Variants in TLE1 observed in about 807,000 individuals in gnomAD.
TLE1 encodes transducin-like enhancer protein 1.
A neutral mutation model predicts 89.8 loss-of-function variants in TLE1; 21 were observed. That is an observed-to-expected ratio of 0.23 (90% CI 0.17 to 0.34). The LOEUF is 0.34. TLE1 is among the 10% of genes least tolerant of loss of function. The probability of loss-of-function intolerance (pLI) is 1.00; values close to 1 mark genes in which losing one functional copy is unlikely to be tolerated. For synonymous variants in TLE1, 447 were observed against 407.6 expected (o/e 1.10, Z -1.16); for missense variants, 795 against 1,031.2 (o/e 0.77, Z 3.14).
chr9:81,590,008 TGA>T (rs1470758303), intron 16 of TLE1, among the ~76,000 whole-genome samples: 1 of 152,188 alleles, frequency 6.6e-6, no homozygotes, highest in African/African-American at 2.4e-5. Context: ...CTGTGCAGCA[TGA>T]GAGGGGACTT....
intron 13 of TLE1, 97 bp from the exon 14 acceptor site, chr9:81,610,393 C>G (rs1448774742): frequency 1.1e-6 from 1 of 887,628 alleles, no homozygotes; most frequent in African/African-American, 1.7e-5. Flanking sequence ...ATCCCCAAAG[C>G]AACATAAATG....
chr9:81,669,775 G>C (rs1831977606), intron 4 of TLE1, among the ~76,000 whole-genome samples: 1 of 152,160 alleles, frequency 6.6e-6, no homozygotes, highest in Non-Finnish European at 1.5e-5. Flanking sequence ...TGGGAACCCA[G>C]AGTCTAATCA....
At chr9:81,661,188 T>TA (rs1564045523) in intron 4 of TLE1, among the ~76,000 whole-genome samples, 1 of 98,950 alleles carries the variant, frequency 1.0e-5, no homozygotes, top group African/African-American at 3.7e-5. Context: ...ATATGTATTT[T>TA]TATATATATA....
intron 1 of TLE1, 61 bp from the exon 2 acceptor site, chr9:81,687,495 AAGTC>A: frequency 1.5e-6 from 2 of 1,301,238 alleles, no homozygotes; most frequent in Non-Finnish European, 2.2e-6. Context: ...ATAAAGCAGT[AAGTC>A]AGAGAAGGCA....
At chr9:81,586,222 C>T (rs1828424894) in intron 17 of TLE1, among the ~76,000 whole-genome samples, 1 of 152,038 alleles carries the variant, frequency 6.6e-6, no homozygotes, top group African/African-American at 2.4e-5. Context: ...TTTCACCGTG[C>T]CAGCCAGGAT....
Position 81,689,454 on chromosome 9 carries a change from GCA to G in TLE1, c.-1216_-1215del, listed in dbSNP as rs1389360577. 3 of 153,872 alleles carry G rather than the reference GCA, an allele frequency of 1.9e-5. No homozygotes were observed. The East Asian group carries it at 5.8e-4, about 30-fold the overall frequency. 9.5% of individuals were successfully genotyped at this position (153,872 alleles called of 1,614,324 possible). ...CAGTCGGCTGCCTCCGGGACGCGGG[GCA>G]CAGAGTACCCGCCGCTGTTTCTGCT... On this transcript the variant is annotated 5_prime_UTR_variant, in exon 1 of 20. Coordinates refer to ENST00000376499, the MANE Select transcript of TLE1 (RefSeq NM_005077.5).
At chr9:81,600,941 A>AG (rs912112291) in intron 14 of TLE1, among the ~76,000 whole-genome samples, 4 of 152,204 alleles carry the variant, frequency 2.6e-5, no homozygotes, top group Non-Finnish European at 5.9e-5. Context: ...CTCAGGCCTC[A>AG]GCTTGGAGTA....
chr9:81,587,925 TGTGTGTGTG>T, intron 16 of TLE1, 97 bp from the exon 17 acceptor site: 2 of 1,101,964 alleles, frequency 1.8e-6, no homozygotes, highest in Non-Finnish European at 2.5e-6. Flanking sequence ...TGTGTGTGTG[TGTGTGTGTG>T]TGTGTGTGTG....
chr9:81,683,222 A>ATTTT (rs58069135), intron 4 of TLE1, among the ~76,000 whole-genome samples: 38 of 139,362 alleles, frequency 2.7e-4, no homozygotes, highest in East Asian at 8.4e-4. Flanking sequence ...CCATCACTGC[A>ATTTT]TTTTTTTTTT....
intron 4 of TLE1, among the ~76,000 whole-genome samples, chr9:81,678,763 C>G (rs992130500): frequency 8.6e-5 from 13 of 151,968 alleles, no homozygotes; most frequent in Non-Finnish European, 1.6e-4. Context: ...CCCGGCTACT[C>G]AGGGAGGTAG....
At chr9:81,660,581 T>A (rs921867866) in intron 4 of TLE1, among the ~76,000 whole-genome samples, 1 of 138,626 alleles carries the variant, frequency 7.2e-6, no homozygotes, top group African/African-American at 2.6e-5. Context: ...ACCCGGCTAA[T>A]TTTTTTTTGT....
chr9:81,637,743 G>A (rs946285285), intron 6 of TLE1, among the ~76,000 whole-genome samples: 1 of 151,310 alleles, frequency 6.6e-6, no homozygotes, highest in Admixed American at 6.6e-5. Flanking sequence ...GTGATTCTAG[G>A]AAATGTGGCC....
At chr9:81,677,633 C>T (rs916178762) in intron 4 of TLE1, among the ~76,000 whole-genome samples, 3 of 150,920 alleles carry the variant, frequency 2.0e-5, no homozygotes, top group African/African-American at 7.3e-5. Flanking sequence ...AGAGGTTGTA[C>T]GTATACCTAG....
intron 9 of TLE1, 58 bp from the exon 10 acceptor site, chr9:81,616,757 A>C: frequency 6.3e-7 from 1 of 1,597,438 alleles, no homozygotes; most frequent in Non-Finnish European, 8.6e-7. Context: ...TTTGAGGCAC[A>C]GTTAGATTTC....
chr9:81,674,705 G>A (rs939733551), intron 4 of TLE1, among the ~76,000 whole-genome samples: 1 of 152,196 alleles, frequency 6.6e-6, no homozygotes, highest in Non-Finnish European at 1.5e-5. Flanking sequence ...GGGGAGTCCA[G>A]CTTTTCTGCG....
chr9:81,632,039 G>C (rs149800733), intron 8 of TLE1, among the ~76,000 whole-genome samples: 3 of 152,008 alleles, frequency 2.0e-5, no homozygotes, highest in African/African-American at 7.3e-5. Flanking sequence ...GCAGTGAGCC[G>C]AGATAGTGCT....
Position 81,645,366 on chromosome 9 carries a change from C to CAA in TLE1, c.372+6846_372+6847dup, listed in dbSNP as rs59412201. The stretch of plus-strand genomic sequence containing the variant: ...GGCAACAAGAGAGAAACTCCGTCTC[C>CAA]AAAAAAAAAAAAATAATAGTAATAA... On this transcript the variant is annotated intron_variant, in intron 6 of 19. Coordinates refer to ENST00000376499, the MANE Select transcript of TLE1 (RefSeq NM_005077.5). Among the ~76,000 whole-genome samples, 60 of 141,530 alleles carry CAA rather than the reference C, an allele frequency of 4.2e-4. 1 individual carries two copies. The highest frequency in any genetic ancestry group is 4.3e-4 in the Admixed American group (6 of 14,064). The allele number at this position is 141,530 out of a possible 152,430, so 92.8% of individuals were successfully genotyped here.
Position 81,652,390 on chromosome 9 carries a change from T to A in TLE1, c.298-102A>T. ...ATGCTGTGTGCAATGCAGGCTGAAG[T>A]AGAAGGGTTTAAATGCAGAATTTCT... On this transcript the variant is annotated intron_variant, in intron 5 of 19. Coordinates refer to ENST00000376499, the MANE Select transcript of TLE1 (RefSeq NM_005077.5). 2 of 884,408 alleles carry A rather than the reference T, an allele frequency of 2.3e-6. 1 individual carries two copies. Among genetic ancestry groups the A allele is most frequent in the East Asian group, 4.9e-5 (2 of 40,568 alleles). 54.8% of individuals were successfully genotyped at this position (884,408 alleles called of 1,614,324 possible).
intron 4 of TLE1, among the ~76,000 whole-genome samples, chr9:81,685,395 G>A (rs1401862245): frequency 1.3e-5 from 2 of 152,126 alleles, no homozygotes; most frequent in Non-Finnish European, 2.9e-5. Context: ...AATCTATACA[G>A]GTGAAAAAGT....
Sources: allele counts gnomAD v4.1 joint callset (sites outside exome capture counted in the v4.1 genomes callset), GRCh38; gene constraint gnomAD v4.1.1; transcripts MANE v1.5; gene names NCBI Gene and HGNC (gene_info 2026-07-23, HGNC 2026-07-21).